Variants in PDK1 observed in about 807,000 individuals in gnomAD.
PDK1 encodes the protein [Pyruvate dehydrogenase (acetyl-transferring)] kinase isozyme 1, mitochondrial.
In PDK1, 39 loss-of-function variants were observed where a neutral mutation model predicts 54.2. The observed-to-expected ratio is 0.72, with a 90% CI of 0.56 to 0.94. PDK1 has a LOEUF of 0.94. Among genes scored for constraint, PDK1 ranks in the 40% least tolerant of loss-of-function variants. The pLI is 0.00. For synonymous variants in PDK1, 221 were observed against 207.1 expected, an observed-to-expected ratio of 1.07 and a Z score of -0.58; for missense variants, 552 against 566.0, an observed-to-expected ratio of 0.98 and a Z score of 0.25.
Position 172,599,884 on chromosome 2 carries a change from G to A in PDK1, c.*3915G>A, listed in dbSNP as rs1480041480. On this transcript the variant is annotated 3_prime_UTR_variant, in exon 11 of 11. Coordinates refer to ENST00000282077, the MANE Select transcript of PDK1 (RefSeq NM_002610.5). ...AAAGCTGTTGTTTATATTGGGAATT[G>A]TGACAGCTGTCTTTTACTTTGTTAA... The A allele has an allele frequency of 1.3e-5, 2 of 152,162 alleles. No homozygotes were observed. The highest frequency in any genetic ancestry group is 6.5e-5 in the Admixed American group (1 of 15,274). 9.4% of individuals were successfully genotyped at this position (152,162 alleles called of 1,614,324 possible). A position where few individuals can be genotyped will look rare whatever the true frequency, so the allele number is the denominator to read the frequency against.
At chr2:172,671,018 G>C in the PDK1 span, among the ~76,000 whole-genome samples, 1 of 151,564 alleles carries the variant, frequency 6.6e-6, no homozygotes, top group East Asian at 1.9e-4. Flanking sequence ...TTATGATGTA[G>C]ATGTTCCTGC....
In PDK1 at chr2:172,604,847, T is replaced by G. The variant is rs1691234296; in HGVS notation, c.*8878T>G. Reference sequence around the variant, plus strand: ...ACTACTTTTCTAGTTTCGAGATTATTTTGGAGCTTTATATTGGGTATGTTC... The same window carrying G: ...ACTACTTTTCTAGTTTCGAGATTATGTTGGAGCTTTATATTGGGTATGTTC... On this transcript the variant is annotated 3_prime_UTR_variant, in exon 11 of 11. Transcript: ENST00000282077. The G allele has an allele frequency of 6.6e-6, 1 of 152,250 alleles. No individual in the cohort carries two copies. Among genetic ancestry groups the G allele is most frequent in the Non-Finnish European group, 1.5e-5 (1 of 68,050 alleles). The allele number at this position is 152,250 out of a possible 1,614,324, so 9.4% of individuals were successfully genotyped here. A position where few individuals can be genotyped will look rare whatever the true frequency, so the allele number is the denominator to read the frequency against.
At chr2:172,642,926 C>G in the PDK1 span, among the ~76,000 whole-genome samples, 1 of 152,092 alleles carries the variant, frequency 6.6e-6, no homozygotes, top group Non-Finnish European at 1.5e-5. Context: ...CCTACTCCTC[C>G]TTCTTCTTCT....
chr2:172,663,477 G>T, the PDK1 span, among the ~76,000 whole-genome samples: 1 of 152,050 alleles, frequency 6.6e-6, no homozygotes, highest in African/African-American at 2.4e-5. Flanking sequence ...CCAAAGTAAT[G>T]AATTTTCTTG....
chr2:172,587,811 T>C (rs925977146), intron 9 of PDK1, among the ~76,000 whole-genome samples: 1 of 152,180 alleles, frequency 6.6e-6, no homozygotes, highest in African/African-American at 2.4e-5. Flanking sequence ...AACCTTTAGC[T>C]AGCTAGACAC....
At chr2:172,609,447 G>T (rs1311220425), downstream of PDK1, among the ~76,000 whole-genome samples, 1 of 152,042 alleles carries the variant, frequency 6.6e-6, no homozygotes, top group African/African-American at 2.4e-5. Context: ...ATGCTTTTTT[G>T]ATTAACTTTT....
the PDK1 span, among the ~76,000 whole-genome samples, chr2:172,659,337 C>A: frequency 6.6e-6 from 1 of 152,198 alleles, no homozygotes; most frequent in African/African-American, 2.4e-5. Flanking sequence ...AAGTAACTAC[C>A]CTAGCCCAAG....
chr2:172,624,998 A>C, the PDK1 span, among the ~76,000 whole-genome samples: 1 of 152,038 alleles, frequency 6.6e-6, no homozygotes, highest in Non-Finnish European at 1.5e-5. Context: ...CAAAAAAAAA[A>C]AACATGCCAG....
In PDK1 at chr2:172,597,049, A is replaced by G. The variant is rs1690931938; in HGVS notation, c.*1080A>G. 1 of 152,210 alleles carries G rather than the reference A, an allele frequency of 6.6e-6. No homozygotes were observed. Among genetic ancestry groups the G allele is most frequent in the Non-Finnish European group, 1.5e-5 (1 of 68,030 alleles). The allele number at this position is 152,210 out of a possible 1,614,324, so 9.4% of individuals were successfully genotyped here. On this transcript the variant is annotated 3_prime_UTR_variant, in exon 11 of 11. Coordinates refer to ENST00000282077, the MANE Select transcript of PDK1 (RefSeq NM_002610.5). ...TTAGAAGCATAATTAGAAGCAGAAG[A>G]ACAAAATGCCACGTAACCAAAGCAT... is the stretch of plus-strand genomic sequence containing the variant.
chr2:172,659,613 A>G, the PDK1 span, among the ~76,000 whole-genome samples: 1 of 152,214 alleles, frequency 6.6e-6, no homozygotes, highest in East Asian at 1.9e-4. Flanking sequence ...ATGCTAGGGG[A>G]ACCAATGTTT....
At chr2:172,692,541 T>A in the PDK1 span, among the ~76,000 whole-genome samples, 4 of 152,184 alleles carry the variant, frequency 2.6e-5, no homozygotes, top group Non-Finnish European at 4.4e-5. Context: ...ACCAGGCTTT[T>A]GTAGAGAGAA....
chr2:172,686,051 G>A, the PDK1 span, among the ~76,000 whole-genome samples: 3 of 152,208 alleles, frequency 2.0e-5, no homozygotes, highest in African/African-American at 4.8e-5. Flanking sequence ...TTTAACCACT[G>A]AAGACTTGTA....
chr2:172,627,682 A>G, the PDK1 span, among the ~76,000 whole-genome samples: 2 of 152,210 alleles, frequency 1.3e-5, no homozygotes, highest in African/African-American at 4.8e-5. Context: ...CCATGCATCT[A>G]GTTAGCCTTG....
intron 9 of PDK1, among the ~76,000 whole-genome samples, 163 bp downstream of exon 9, chr2:172,586,551 CT>C (rs34362917): frequency 0.043 from 6,348 of 147,338 alleles, 442 homozygotes; most frequent in African/African-American, 0.15. Flanking sequence ...CTTCAGAATA[CT>C]TTTTTTTTTT....
At chr2:172,662,096 A>G in the PDK1 span, among the ~76,000 whole-genome samples, 1 of 152,274 alleles carries the variant, frequency 6.6e-6, no homozygotes. Context: ...TTGATTCAGT[A>G]CAAGGAAGTC....
intron 9 of PDK1, among the ~76,000 whole-genome samples, chr2:172,589,386 G>T (rs950452804): frequency 1.3e-5 from 2 of 152,222 alleles, no homozygotes; most frequent in Non-Finnish European, 2.9e-5. Context: ...CATGAGGGAT[G>T]AGGAGAAGGC....
intron 8 of PDK1, among the ~76,000 whole-genome samples, chr2:172,571,823 C>CTTTTTT (rs36031428): frequency 7.0e-5 from 7 of 99,802 alleles, no homozygotes; most frequent in African/African-American, 1.6e-4. Context: ...TCTTTCTTTA[C>CTTTTTT]TTTTTTTTTT....
At chr2:172,577,305 T>C (rs1689633106) in intron 8 of PDK1, among the ~76,000 whole-genome samples, 1 of 152,164 alleles carries the variant, frequency 6.6e-6, no homozygotes, top group Non-Finnish European at 1.5e-5. Flanking sequence ...CTTTCCAGAC[T>C]TTTAGTTTAA....
At chr2:172,559,761 C>T (rs1438977828) in intron 2 of PDK1, among the ~76,000 whole-genome samples, 7 of 152,170 alleles carry the variant, frequency 4.6e-5, no homozygotes, top group Non-Finnish European at 7.3e-5. Flanking sequence ...GTTGGCCAGG[C>T]TGGTCTCAAG....
Sources: gnomAD v4.1 joint callset for allele counts (sites outside exome capture counted in the v4.1 genomes callset) on GRCh38, gnomAD v4.1.1 for gene constraint, MANE v1.5 for transcripts, NCBI Gene and HGNC (gene_info 2026-07-23, HGNC 2026-07-21) for gene names.